Variants in ATP2B1 observed in about 807,000 individuals in gnomAD.
ATP2B1 encodes the protein plasma membrane calcium-transporting ATPase 1.
ATP2B1 carries 14 observed loss-of-function variants against 124.2 expected under a neutral mutation model. That is an observed-to-expected ratio of 0.11 (90% CI 0.07 to 0.18). The LOEUF (loss-of-function observed/expected upper bound fraction) is 0.18, where lower values mean the gene tolerates loss of function less well. Among genes scored for constraint, ATP2B1 ranks in the 10% least tolerant of loss-of-function variants. The probability of loss-of-function intolerance (pLI) is 1.00; values close to 1 mark genes in which losing one functional copy is unlikely to be tolerated. For missense variants in ATP2B1, 763 were observed against 1,466.1 expected (o/e 0.52, Z 7.83); for synonymous variants, 449 against 492.4 (o/e 0.91, Z 1.17).
At chr12:89,661,045 TA>T (rs59009244) in intron 1 of ATP2B1, among the ~76,000 whole-genome samples, 36 of 151,742 alleles carry the variant, frequency 2.4e-4, no homozygotes, top group South Asian at 6.2e-4. Flanking sequence ...ATTTAGGGTT[TA>T]AAAAAAAATC....
At chr12:89,654,098 A>C (rs950164295) in intron 2 of ATP2B1, among the ~76,000 whole-genome samples, 2 of 152,222 alleles carry the variant, frequency 1.3e-5, no homozygotes, top group Non-Finnish European at 2.9e-5. Flanking sequence ...AGCTGAGAAT[A>C]GCATACTAAT....
intron 15 of ATP2B1, among the ~76,000 whole-genome samples, chr12:89,607,600 C>T (rs1877165183): frequency 6.6e-6 from 1 of 152,166 alleles, no homozygotes. Context: ...TTAGGTTTTA[C>T]TACCATAGAT....
At chr12:89,645,219 A>C (rs1884262198) in intron 2 of ATP2B1, among the ~76,000 whole-genome samples, 2 of 152,248 alleles carry the variant, frequency 1.3e-5, no homozygotes, top group South Asian at 4.1e-4. Flanking sequence ...AAGTTAAATA[A>C]GTGGAACACA....
chr12:89,630,696 C>T, intron 5 of ATP2B1, 51 bp from the exon 6 acceptor site: 3 of 1,334,870 alleles, frequency 2.2e-6, no homozygotes, highest in Non-Finnish European at 2.9e-6. Flanking sequence ...GATCTCCTTG[C>T]TACCACCAAA....
chr12:89,658,428 G>A (rs990058540), intron 1 of ATP2B1, among the ~76,000 whole-genome samples: 2 of 152,334 alleles, frequency 1.3e-5, no homozygotes, highest in South Asian at 4.1e-4. Context: ...AAAGCCTACT[G>A]GAGTAGAGGT....
intron 1 of ATP2B1, among the ~76,000 whole-genome samples, chr12:89,688,868 C>T (rs1185242718): frequency 6.6e-6 from 1 of 152,076 alleles, no homozygotes; most frequent in Non-Finnish European, 1.5e-5. Flanking sequence ...TTATGTCTCC[C>T]AGTCCAAGTA....
intron 1 of ATP2B1, among the ~76,000 whole-genome samples, chr12:89,703,887 A>G (rs1477174970): frequency 6.6e-6 from 1 of 152,160 alleles, no homozygotes; most frequent in African/African-American, 2.4e-5. Flanking sequence ...AATGCAGACT[A>G]CTGTAGCATT....
intron 8 of ATP2B1, among the ~76,000 whole-genome samples, chr12:89,625,969 AAAG>A (rs1284311403): frequency 8.5e-5 from 13 of 152,168 alleles, no homozygotes; most frequent in Non-Finnish European, 1.6e-4. Flanking sequence ...TTTTTCCCTT[AAAG>A]AATGGCTGTA....
rs761823280 is a variant in ATP2B1, at chr12:89,604,351, T to TA, written c.2443-6dup. On this transcript the variant is annotated splice_polypyrimidine_tract_variant and splice_region_variant and intron_variant, in intron 15 of 20. Transcript: ENST00000428670. The stretch of plus-strand genomic sequence containing the variant: ...TACATCAGTTCCAGCAATACCCTGT[T>TA]AAAAAAAATTTTGTGAATTAGACTA... 7.6e-6 allele frequency: 12 copies of TA among 1,574,410 alleles called. No individual in the cohort carries two copies. In the African/African-American group the frequency reaches 9.7e-5, roughly 13 times the overall value.
At chr12:89,616,779 C>G (rs1346872796) in intron 12 of ATP2B1, 23 bp downstream of exon 12, 4 of 1,594,082 alleles carry the variant, frequency 2.5e-6, no homozygotes, top group African/African-American at 2.7e-5. Flanking sequence ...TCTGCACATG[C>G]AGAACACAGA....
At position 89,655,830 on chromosome 12, in the gene ATP2B1, C is replaced by T. The variant is rs1196837555; in HGVS notation, c.57G>A (p.Lys19=). 1 of 1,613,774 alleles carries T rather than the reference C, an allele frequency of 6.2e-7. No homozygotes were observed. Among genetic ancestry groups the T allele is most frequent in the Admixed American group, 1.7e-5 (1 of 59,988 alleles). ...CAAAGTCTCCATCATGATTAGCTTC[C>T]TTCAAAGAGTTTTTCACACCACTGT... is the stretch of plus-strand genomic sequence containing the variant. The part of the protein sequence containing the change: ...VAYSGVKNSL[K]EANHDGDFGI... Residue 19 remains lysine (K), a synonymous_variant, in exon 2 of 21, where the codon AAG becomes AAA. Transcript: ENST00000428670.
rs926016583 is a variant in ATP2B1 at position 89,588,732 on chromosome 12, G to C, written c.*2252C>G. 2 of 152,534 alleles carry C rather than the reference G, an allele frequency of 1.3e-5. No homozygotes were observed. The highest frequency in any genetic ancestry group is 2.9e-5 in the Non-Finnish European group (2 of 68,006). 9.4% of individuals were successfully genotyped at this position (152,534 alleles called of 1,614,324 possible). On this transcript the variant is annotated 3_prime_UTR_variant, in exon 21 of 21. Transcript: ENST00000428670. ...TGCCTTGAGTTGAAAAATGAATACTGTAAAAGCTCAATACAAATCCTCCAA... is the reference window on the plus strand; with the variant it reads ...TGCCTTGAGTTGAAAAATGAATACTCTAAAAGCTCAATACAAATCCTCCAA...
At chr12:89,617,454 C>T (rs541330823) in intron 11 of ATP2B1, among the ~76,000 whole-genome samples, 1 of 152,038 alleles carries the variant, frequency 6.6e-6, no homozygotes, top group Non-Finnish European at 1.5e-5. Context: ...CGTAGTCAAC[C>T]CCTTACCTGA....
chr12:89,663,764 T>C (rs1235491282), intron 1 of ATP2B1, among the ~76,000 whole-genome samples: 1 of 152,340 alleles, frequency 6.6e-6, no homozygotes, highest in Admixed American at 6.5e-5. Context: ...TCTAACCTAC[T>C]AGCAACCTTT....
chr12:89,679,376 T>C (rs1293101723), intron 1 of ATP2B1, among the ~76,000 whole-genome samples: 1 of 152,192 alleles, frequency 6.6e-6, no homozygotes, highest in Non-Finnish European at 1.5e-5. Context: ...TATATCCACA[T>C]AATGGAACTA....
At chr12:89,623,903 A>G (rs140017782) in intron 9 of ATP2B1, among the ~76,000 whole-genome samples, 134 of 152,338 alleles carry the variant, frequency 8.8e-4, no homozygotes, top group African/African-American at 2.9e-3. Context: ...ACTTGACAAT[A>G]TAACTATCAC....
intron 1 of ATP2B1, among the ~76,000 whole-genome samples, chr12:89,659,473 A>C (rs1174821963): frequency 6.6e-6 from 1 of 152,310 alleles, no homozygotes; most frequent in Non-Finnish European, 1.5e-5. Context: ...ACTGACATAT[A>C]ATCTTTACTG....
intron 1 of ATP2B1, among the ~76,000 whole-genome samples, chr12:89,684,164 TAAATC>T (rs1422085349): frequency 2.6e-5 from 4 of 151,978 alleles, no homozygotes; most frequent in African/African-American, 9.7e-5. Flanking sequence ...ACAGAAATAA[TAAATC>T]AAAAAACATG....
rs915033967 is a variant in ATP2B1, at chr12:89,634,823, C to T, written c.742G>A (p.Asp248Asn). 1.2e-6 allele frequency: 2 copies of T among 1,611,606 alleles called. No homozygotes were observed. The highest frequency in any genetic ancestry group is 1.7e-6 in the Non-Finnish European group (2 of 1,178,894). ...TTATCTAAAGACTTTTTAACATGAT[C>T]TGATTCACCAGTCAATGAGCTTTCA... is the stretch of plus-strand genomic sequence containing the variant. ...IDESSLTGES[D>N]HVKKSLDKDP... Residue 248 changes from aspartate to asparagine, a missense_variant, in exon 5 of 21, where the codon GAT (aspartate) becomes AAT (asparagine). This residue lies in a region of ATP2B1 where 392 missense variants were observed against 776.6 expected (regional missense o/e 0.50). Coordinates refer to ENST00000428670, the MANE Select transcript of ATP2B1 (RefSeq NM_001366521.1).
Sources: gnomAD v4.1 joint callset for allele counts (sites outside exome capture counted in the v4.1 genomes callset) on GRCh38, gnomAD v4.1.1 for gene constraint, gnomAD v4.1.1 regional missense constraint, MANE v1.5 for transcripts, NCBI Gene and HGNC (gene_info 2026-07-23, HGNC 2026-07-21) for gene names.